APOA4: variants seen among roughly 807,000 people sequenced by gnomAD.
The protein encoded by APOA4 is apolipoprotein A4, also known as apolipoprotein A-IV.
Under a neutral mutation model 33.6 loss-of-function variants are expected in APOA4, and 25 were observed. That is an observed-to-expected ratio of 0.74 (90% confidence interval 0.54 to 1.04). The LOEUF (loss-of-function observed/expected upper bound fraction) is 1.04. APOA4 is among the 50% of genes least tolerant of loss of function. APOA4 has a pLI of 0.00. For synonymous variants in APOA4, 228 were observed against 224.0 expected (o/e 1.02, Z -0.16); for missense variants, 549 against 510.4 (o/e 1.08, Z -0.73).
Position 116,820,965 on chromosome 11 carries a change from C to T in APOA4, c.1093G>A (p.Asp365Asn). The T allele has an allele frequency of 6.2e-7, 1 of 1,614,218 alleles. No homozygotes were observed. The change falls in exon 3 of 3, where the codon GAC becomes AAC. Residue 365 changes from aspartate to asparagine, a missense_variant. Physicochemically the swap from Asp to Asn is conservative, Grantham distance 23. Transcript: ENST00000357780. Reference protein sequence around the residue: ...FSTFKEKESQDKTLSLPELEQ... With the variant: ...FSTFKEKESQNKTLSLPELEQ... ...AGCTCAGGGAGGGAGAGAGTCTTGT[C>T]CTGGCTCTCTTTCTCCTTGAAGGTG...
Position 116,821,222 on chromosome 11 carries a change from C to G in APOA4, c.836G>C (p.Arg279Thr). The change falls in exon 3 of 3, where the codon AGG becomes ACG. Residue 279 changes from arginine to threonine, a missense_variant. Coordinates refer to ENST00000357780, the MANE Select transcript of APOA4 (RefSeq NM_000482.4). ...CTTCTGCAGCCCCTCGGTGTTGCCC[C>G]TCAGGTTGCCACGCACGTCCTCGGC... ...PLAEDVRGNL[R>T]GNTEGLQKSL... 11 of 1,613,234 alleles carry G rather than the reference C, an allele frequency of 6.8e-6. No homozygotes were observed. The highest frequency in any genetic ancestry group is 9.3e-6 in the Non-Finnish European group (11 of 1,180,040).
chr11:116,821,444 G>C lies in APOA4; in HGVS notation c.614C>G (p.Ala205Gly). The C allele has an allele frequency of 6.2e-7, 1 of 1,614,220 alleles. No homozygotes were observed. Among genetic ancestry groups the C allele is most frequent in the Non-Finnish European group, 8.5e-7 (1 of 1,180,032 alleles). The part of the protein sequence containing the change: ...EELKGRLTPY[A>G]DEFKVKIDQT... ...GTCAATCTTGACTTTGAATTCGTCA[G>C]CGTAGGGCGTAAGGCGTCCCTTGAG... The change falls in exon 3 of 3, where the codon GCT becomes GGT. Residue 205 changes from alanine (A) to glycine (G), a missense_variant. By Grantham distance (60) the Ala-to-Gly change is moderately conservative (BLOSUM62 0). Transcript: ENST00000357780.
Position 116,821,517 on chromosome 11 carries a change from G to A in APOA4, c.541C>T (p.Pro181Ser). The change falls in exon 3 of 3, where the codon CCC (proline) becomes TCC (serine). Residue 181 changes from proline to serine, a missense_variant. Coordinates refer to ENST00000357780, the MANE Select transcript of APOA4 (RefSeq NM_000482.4). ...NADSLQASLRPHADELKAKID... is the reference protein window; with the variant it reads ...NADSLQASLRSHADELKAKID... ...TTGGCCTTGAGCTCGTCGGCGTGGG[G>A]CCTCAGCGAGGCCTGCAGGCTGTCG... 1.2e-6 allele frequency: 2 copies of A among 1,613,746 alleles called. No individual in the cohort carries two copies.
rs563483843 is a variant in APOA4 at position 116,821,673 on chromosome 11, G to T, written c.385C>A (p.Arg129=). 9.4e-6 allele frequency: 15 copies of T among 1,600,936 alleles called. No individual in the cohort carries two copies. Among genetic ancestry groups the T allele is most frequent in the Admixed American group, 1.7e-5 (1 of 59,058 alleles). The change falls in exon 3 of 3, where the codon CGA becomes AGA. Residue 129 remains arginine, a synonymous_variant. Transcript: ENST00000357780. Reference sequence around the variant, plus strand: ...GGCTCCAGGCGCTGCTGAAGCTCTCGCAGGTTGTCCCCGATCTTCTGGCTC... The same window carrying T: ...GGCTCCAGGCGCTGCTGAAGCTCTCTCAGGTTGTCCCCGATCTTCTGGCTC... The part of the protein sequence containing the change: ...EVSQKIGDNL[R]ELQQRLEPYA...
In APOA4 at chr11:116,821,470, C is replaced by A. The variant is rs748186729; in HGVS notation, c.588G>T (p.Glu196Asp). ...CGTAGGGCGTAAGGCGTCCCTTGAGCTCCTCCACGTTCTGGTCGATCTTGG... is the reference window on the plus strand; with the variant it reads ...CGTAGGGCGTAAGGCGTCCCTTGAGATCCTCCACGTTCTGGTCGATCTTGG... ...LKAKIDQNVE[E>D]LKGRLTPYAD... The change falls in exon 3 of 3, where the codon GAG becomes GAT. Residue 196 changes from glutamate (E) to aspartate (D), a missense_variant. Transcript: ENST00000357780. 1.4e-5 allele frequency: 23 copies of A among 1,614,188 alleles called. No homozygotes were observed. The highest frequency in any genetic ancestry group is 1.9e-5 in the Non-Finnish European group (22 of 1,180,026).
chr11:116,821,403 G>T lies in APOA4; in HGVS notation c.655C>A (p.Leu219Met), dbSNP rs751787167. The T allele has an allele frequency of 1.9e-6, 3 of 1,614,186 alleles. No individual in the cohort carries two copies. The highest frequency in any genetic ancestry group is 3.3e-5 in the Admixed American group (2 of 60,028). Residue 219 changes from leucine to methionine, a missense_variant, in exon 3 of 3, where the codon CTG (leucine) becomes ATG (methionine). Physicochemically the swap from Leu to Met is conservative, Grantham distance 15. Transcript: ENST00000357780. ...KVKIDQTVEE[L>M]RRSLAPYAQD... The stretch of plus-strand genomic sequence containing the variant: ...GCATAGGGAGCCAGGCTGCGGCGCA[G>T]CTCCTCCACGGTCTGGTCAATCTTG...
chr11:116,823,295 A>G lies in APOA4; in HGVS notation c.-104T>C. 25 of 1,366,896 alleles carry G rather than the reference A, an allele frequency of 1.8e-5. 1 individual carries two copies. The South Asian group carries it at 2.8e-4, about 15-fold the overall frequency. The allele number at this position is 1,366,896 out of a possible 1,614,324, so 84.7% of individuals were successfully genotyped here. On this transcript the variant is annotated 5_prime_UTR_variant, in exon 1 of 3. Transcript: ENST00000357780. ...CCTCAGGAGAGCTCACCTGCGCTGC[A>G]GTGGGAACTGACTGAAGCTCAGAGC...
chr11:116,823,060 T>A (rs1053613899), intron 1 of APOA4, 83 bp downstream of exon 1: 1 of 1,550,764 alleles, frequency 6.4e-7, no homozygotes, highest in Non-Finnish European at 8.9e-7. Context: ...CTCAGAAGTG[T>A]CCTTTTGCTT....
chr11:116,820,992 T>C lies in APOA4; in HGVS notation c.1066A>G (p.Ser356Gly), dbSNP rs1042833464. The change falls in exon 3 of 3, where the codon AGC becomes GGC. Residue 356 changes from serine to glycine, a missense_variant. Coordinates refer to ENST00000357780, the MANE Select transcript of APOA4 (RefSeq NM_000482.4). ...TGGCTCTCTTTCTCCTTGAAGGTGC[T>C]GAAGAAGGAGTTGACCTTGTCCCTC... is the stretch of plus-strand genomic sequence containing the variant. ...DLRDKVNSFF[S>G]TFKEKESQDK... 5 of 1,614,082 alleles carry C rather than the reference T, an allele frequency of 3.1e-6. No individual in the cohort carries two copies. Among genetic ancestry groups the C allele is most frequent in the South Asian group, 2.2e-5 (2 of 91,086 alleles).
rs1941345906 is a variant in APOA4 at position 116,823,250 on chromosome 11, A to G, written c.-59T>C. The stretch of plus-strand genomic sequence containing the variant: ...GCCACACTGGATCCTCCCTACAATC[A>G]GGGGAGCTGACAGAGAGGTCCTCAG... On this transcript the variant is annotated 5_prime_UTR_variant, in exon 1 of 3. Transcript: ENST00000357780. 3 of 1,602,438 alleles carry G rather than the reference A, an allele frequency of 1.9e-6. No individual in the cohort carries two copies. The highest frequency in any genetic ancestry group is 1.7e-5 in the Admixed American group (1 of 59,974).
Position 116,821,496 on chromosome 11 carries a change from C to T in APOA4, c.562G>A (p.Ala188Thr). ...SLRPHADELK[A>T]KIDQNVEELK... ...TCCTCCACGTTCTGGTCGATCTTGG[C>T]CTTGAGCTCGTCGGCGTGGGGCCTC... The change falls in exon 3 of 3, where the codon GCC becomes ACC. Residue 188 changes from alanine to threonine, a missense_variant. Coordinates refer to ENST00000357780, the MANE Select transcript of APOA4 (RefSeq NM_000482.4). 1 of 1,614,102 alleles carries T rather than the reference C, an allele frequency of 6.2e-7. No homozygotes were observed. The highest frequency in any genetic ancestry group is 8.5e-7 in the Non-Finnish European group (1 of 1,180,016).
chr11:116,820,798 C>T lies in APOA4; in HGVS notation c.*69G>A. The T allele has an allele frequency of 2.3e-6, 1 of 429,532 alleles. No individual in the cohort carries two copies. The highest frequency in any genetic ancestry group is 4.3e-5 in the East Asian group (1 of 23,514). 26.6% of individuals were successfully genotyped at this position (429,532 alleles called of 1,614,324 possible). A position where few individuals can be genotyped will look rare whatever the true frequency, so the allele number is the denominator to read the frequency against. ...AGTTCATACCAGAACTTCTTTGGGA[C>T]AGACAGACAGACAGGTGGCAGGGCA... On this transcript the variant is annotated 3_prime_UTR_variant, in exon 3 of 3. Transcript: ENST00000357780.
intron 1 of APOA4, 56 bp from the exon 2 acceptor site, chr11:116,822,841 C>A: frequency 6.2e-7 from 1 of 1,611,336 alleles, no homozygotes; most frequent in Non-Finnish European, 8.5e-7. Flanking sequence ...GGCCCCTCTG[C>A]TCCAGCTCTG....
In APOA4 at chr11:116,821,329, G is replaced by A. The variant is rs747859712; in HGVS notation, c.729C>T (p.Phe243=). The part of the protein sequence containing the change: ...KLNHQLEGLT[F]QMKKNAEELK... ...GCTCCTCGGCGTTCTTCTTCATCTG[G>A]AAGGTCAGGCCCTCAAGCTGGTGGT... Residue 243 remains phenylalanine, a synonymous_variant, in exon 3 of 3, where the codon TTC becomes TTT. Coordinates refer to ENST00000357780, the MANE Select transcript of APOA4 (RefSeq NM_000482.4). 1.9e-6 allele frequency: 3 copies of A among 1,614,048 alleles called. No homozygotes were observed. The highest frequency in any genetic ancestry group is 3.3e-5 in the Admixed American group (2 of 60,026).
chr11:116,823,122 C>A, intron 1 of APOA4, 21 bp downstream of exon 1: 1 of 1,613,850 alleles, frequency 6.2e-7, no homozygotes. Context: ...GGAGTGCCAT[C>A]CAAAGACAGC....
rs1221192671 is a variant in APOA4, at chr11:116,821,144, C to T, written c.914G>A (p.Arg305His). 71 of 1,613,474 alleles carry T rather than the reference C, an allele frequency of 4.4e-5. No homozygotes were observed. In the Admixed American group the frequency reaches 8.8e-4, roughly 20 times the overall value. Residue 305 changes from arginine (R) to histidine (H), a missense_variant, in exon 3 of 3, where the codon CGC (arginine) becomes CAC (histidine). Coordinates refer to ENST00000357780, the MANE Select transcript of APOA4 (RefSeq NM_000482.4). ...HLDQQVEEFRRRVEPYGENFN... is the reference protein window; with the variant it reads ...HLDQQVEEFRHRVEPYGENFN... ...GTTTTCCCCGTAGGGCTCCACCCGG[C>T]GTCGGAACTCCTCCACCTGCTGGTC... is the stretch of plus-strand genomic sequence containing the variant.
chr11:116,820,804 G>T lies in APOA4; in HGVS notation c.*63C>A. ...TACCAGAACTTCTTTGGGACAGACA[G>T]ACAGACAGGTGGCAGGGCAGGGCAG... On this transcript the variant is annotated 3_prime_UTR_variant, in exon 3 of 3. Coordinates refer to ENST00000357780, the MANE Select transcript of APOA4 (RefSeq NM_000482.4). 1 of 1,588,988 alleles carries T rather than the reference G, an allele frequency of 6.3e-7. No individual in the cohort carries two copies.
At position 116,821,635 on chromosome 11, in the gene APOA4, C is replaced by T; in HGVS notation, c.423G>A (p.Gln141=). 1 of 1,610,566 alleles carries T rather than the reference C, an allele frequency of 6.2e-7. No homozygotes were observed. The stretch of plus-strand genomic sequence containing the variant: ...CCTGCGTGCTGACCTGGGTGCGCAG[C>T]TGGTCCGCGTAGGGCTCCAGGCGCT... The part of the protein sequence containing the change: ...LQQRLEPYAD[Q]LRTQVSTQAE... Residue 141 remains glutamine, a synonymous_variant, in exon 3 of 3, where the codon CAG becomes CAA. Transcript: ENST00000357780.
rs1442916273 is a variant in APOA4 at position 116,821,628 on chromosome 11, T to C, written c.430A>G (p.Thr144Ala). 2 of 1,610,406 alleles carry C rather than the reference T, an allele frequency of 1.2e-6. No individual in the cohort carries two copies. The highest frequency in any genetic ancestry group is 1.1e-5 in the South Asian group (1 of 90,972). Residue 144 changes from threonine (T) to alanine (A), a missense_variant, in exon 3 of 3, where the codon ACC (threonine) becomes GCC (alanine). Thr to Ala is a moderately conservative substitution (Grantham distance 58). Coordinates refer to ENST00000357780, the MANE Select transcript of APOA4 (RefSeq NM_000482.4). ...RLEPYADQLRTQVSTQAEQLR... is the reference protein window; with the variant it reads ...RLEPYADQLRAQVSTQAEQLR... ...TGCTCGGCCTGCGTGCTGACCTGGGTGCGCAGCTGGTCCGCGTAGGGCTCC... is the reference window on the plus strand; with the variant it reads ...TGCTCGGCCTGCGTGCTGACCTGGGCGCGCAGCTGGTCCGCGTAGGGCTCC...
Sources: gnomAD v4.1 joint callset for allele counts on GRCh38, gnomAD v4.1.1 for gene constraint, MANE v1.5 for transcripts, NCBI Gene and HGNC (gene_info 2026-07-23, HGNC 2026-07-21) for gene names.